Variants in DGKB observed in about 807,000 individuals in gnomAD.
DGKB encodes the protein 90 kDa diacylglycerol kinase.
In DGKB, 67 loss-of-function variants were observed where a neutral mutation model predicts 114.3. The ratio of observed to expected loss-of-function variants is 0.59; its 90% confidence interval spans 0.48 to 0.72. DGKB has a LOEUF of 0.72. DGKB is among the 30% of genes least tolerant of loss of function. The pLI is 0.00. For missense variants in DGKB, 907 were observed against 975.2 expected (o/e 0.93, Z 0.93); for synonymous variants, 398 against 323.1 (o/e 1.23, Z -2.49).
In DGKB at chr7:14,179,684, C is replaced by T. The variant is rs528199597; in HGVS notation, c.2123-1533G>A. 2.6e-4 allele frequency among the ~76,000 whole-genome samples: 39 copies of T among 152,218 alleles called. 1 individual carries two copies. The South Asian group carries it at 7.7e-3, about 30-fold the overall frequency. On this transcript the variant is annotated intron_variant, in intron 23 of 25. Coordinates refer to ENST00000402815, the MANE Select transcript of DGKB (RefSeq NM_001350709.2). Reference sequence around the variant, plus strand: ...TCTCCAAGTTCGTTAAGCCCAGGATCGTAGGTAAATTTAATAAAAGCACTT... The same window carrying T: ...TCTCCAAGTTCGTTAAGCCCAGGATTGTAGGTAAATTTAATAAAAGCACTT...
At chr7:14,411,113 G>C (rs1270911507) in intron 21 of DGKB, among the ~76,000 whole-genome samples, 6 of 152,092 alleles carry the variant, frequency 3.9e-5, no homozygotes, top group Admixed American at 3.9e-4. Context: ...AACCAGTACT[G>C]TAGTCTACAG....
intron 1 of DGKB, among the ~76,000 whole-genome samples, chr7:14,852,490 A>AAAAAAAAAAAAAAAAC (rs1554304291): frequency 1.3e-4 from 19 of 149,532 alleles, no homozygotes; most frequent in African/African-American, 4.6e-4. Flanking sequence ...TGAAAGTCAA[A>AAAAAAAAAAAAAAAAC]AAAAAAACAG....
intron 1 of DGKB, among the ~76,000 whole-genome samples, chr7:14,913,741 A>G (rs948359906): frequency 1.3e-5 from 2 of 152,026 alleles, no homozygotes; most frequent in Non-Finnish European, 2.9e-5. Context: ...ATAATGGTAA[A>G]ATCTTTTGAC....
rs376289148 is a variant in DGKB, at chr7:14,487,761, CCTGA to C, written c.1771-9540_1771-9537del. Among the ~76,000 whole-genome samples the C allele has an allele frequency of 4.0e-5, 6 of 151,110 alleles. No homozygotes were observed. The East Asian group carries it at 1.2e-3, about 30-fold the overall frequency. ...GGGATTACAGGCATTAGCTATCATGCCTGACTAACTTTTTTTTTTTTTTCTTTAG... is the reference window on the plus strand; with the variant it reads ...GGGATTACAGGCATTAGCTATCATGCCTAACTTTTTTTTTTTTTTCTTTAG... On this transcript the variant is annotated intron_variant, in intron 20 of 25. Transcript: ENST00000402815.
intron 23 of DGKB, among the ~76,000 whole-genome samples, chr7:14,205,783 G>T (rs1024486098): frequency 2.0e-5 from 3 of 151,882 alleles, no homozygotes; most frequent in African/African-American, 7.3e-5. Flanking sequence ...GTTGTACTCT[G>T]CAAAAAATCA....
upstream of DGKB, among the ~76,000 whole-genome samples, chr7:14,907,733 G>A (rs147825383): frequency 4.5e-4 from 68 of 152,308 alleles, 1 homozygote; most frequent in Admixed American, 4.6e-4. Context: ...CTTAGGGGCA[G>A]CAAGCTTATT....
chr7:14,248,608 A>G (rs1346295984), intron 23 of DGKB, among the ~76,000 whole-genome samples: 4 of 151,936 alleles, frequency 2.6e-5, no homozygotes, highest in Admixed American at 2.0e-4. Flanking sequence ...TTTTGATGCT[A>G]TTTTAAATGG....
At chr7:14,465,869 C>CAGTGGTTTGGTG in intron 21 of DGKB, among the ~76,000 whole-genome samples, 2 of 151,860 alleles carry the variant, frequency 1.3e-5, no homozygotes, top group African/African-American at 4.9e-5. Context: ...CACACTTGCT[C>CAGTGGTTTGGTG]ACATGTGATA....
intron 23 of DGKB, among the ~76,000 whole-genome samples, chr7:14,248,095 G>T (rs1248681899): frequency 6.6e-6 from 1 of 151,998 alleles, no homozygotes; most frequent in African/African-American, 2.4e-5. Flanking sequence ...AACACCATTT[G>T]TTGAGGAGAC....
chr7:14,319,002 T>C (rs549114856), intron 23 of DGKB, among the ~76,000 whole-genome samples: 9 of 151,940 alleles, frequency 5.9e-5, no homozygotes, highest in African/African-American at 2.2e-4. Context: ...TTGGATGAAA[T>C]TGGAAACCAT....
At chr7:14,934,433 T>C (rs1785177283) in intron 1 of DGKB, among the ~76,000 whole-genome samples, 1 of 152,174 alleles carries the variant, frequency 6.6e-6, no homozygotes, top group Non-Finnish European at 1.5e-5. Flanking sequence ...CTGTGAGTGC[T>C]GGAGTACTTG....
rs1028193606 is a variant in DGKB, at chr7:14,308,405, C to G, written c.2122+30110G>C. 8.6e-5 allele frequency among the ~76,000 whole-genome samples: 13 copies of G among 151,952 alleles called. 1 individual carries two copies. Among genetic ancestry groups the G allele is most frequent in the Admixed American group, 1.3e-4 (2 of 15,244 alleles). On this transcript the variant is annotated intron_variant, in intron 23 of 25. Coordinates refer to ENST00000402815, the MANE Select transcript of DGKB (RefSeq NM_001350709.2). ...TTATGAAATTAAAACACATACACCT[C>G]TAATAGGATATTTCTACTATTTAGA...
intron 15 of DGKB, among the ~76,000 whole-genome samples, chr7:14,618,302 C>G (rs1234009271): frequency 6.6e-6 from 1 of 151,424 alleles, no homozygotes; most frequent in Non-Finnish European, 1.5e-5. Context: ...AATAAAGAGG[C>G]AGTTTTGTGA....
chr7:14,450,543 C>T (rs979627828), intron 21 of DGKB, among the ~76,000 whole-genome samples: 1 of 152,012 alleles, frequency 6.6e-6, no homozygotes, highest in African/African-American at 2.4e-5. Flanking sequence ...ATTAGAGAGA[C>T]AAGAGATTGG....
intron 1 of DGKB, among the ~76,000 whole-genome samples, chr7:14,870,266 C>A (rs1288444717): frequency 6.6e-6 from 1 of 152,134 alleles, no homozygotes; most frequent in Non-Finnish European, 1.5e-5. Context: ...GTTTCTTCTA[C>A]CTTGTAGCTT....
chr7:14,604,077 A>T (rs1804042007), intron 17 of DGKB, among the ~76,000 whole-genome samples: 1 of 152,144 alleles, frequency 6.6e-6, no homozygotes, highest in Admixed American at 6.6e-5. Flanking sequence ...ATCTCTTCTA[A>T]CTAACCTATA....
chr7:14,780,335 A>T (rs1172055617), intron 2 of DGKB, among the ~76,000 whole-genome samples: 1 of 152,188 alleles, frequency 6.6e-6, no homozygotes, highest in African/African-American at 2.4e-5. Flanking sequence ...GTGCTTTAGC[A>T]TCTTCGCCCA....
chr7:14,471,548 CATATT>C (rs1171536821), intron 21 of DGKB, among the ~76,000 whole-genome samples: 11 of 150,634 alleles, frequency 7.3e-5, no homozygotes, highest in African/African-American at 1.2e-4. Flanking sequence ...TAAGTAATCT[CATATT>C]ATTTATTTGT....
rs558421426 is a variant in DGKB, at chr7:14,966,155, G to T, written c.-188+8541C>A. 4.7e-4 allele frequency among the ~76,000 whole-genome samples: 72 copies of T among 152,088 alleles called. No homozygotes were observed. In the South Asian group the frequency reaches 0.014, roughly 30 times the overall value. ...TAAAAATTTTATTACAACAGTCCAT[G>T]CTAACAATTTCCTTCTCCTGTTTTC... is the stretch of plus-strand genomic sequence containing the variant. On this transcript the variant is annotated intron_variant, in intron 1 of 4. Coordinates refer to the DGKB transcript ENST00000437998.
Sources: allele counts gnomAD v4.1 joint callset (sites outside exome capture counted in the v4.1 genomes callset), GRCh38; gene constraint gnomAD v4.1.1; transcripts MANE v1.5; gene names NCBI Gene and HGNC (gene_info 2026-07-23, HGNC 2026-07-21).